ULK4: variants seen among roughly 807,000 people sequenced by gnomAD.
ULK4 encodes the protein unc-51 like kinase 4, also known as inactive serine/threonine-protein kinase ULK4.
ULK4 carries 133 observed loss-of-function variants against 160.6 expected under a neutral mutation model. The observed-to-expected ratio is 0.83, with a 90% confidence interval of 0.72 to 0.96. The LOEUF (loss-of-function observed/expected upper bound fraction) is 0.96. ULK4 is among the 40% of genes least tolerant of loss of function. ULK4 has a pLI of 0.00. For missense variants in ULK4, 1,580 were observed against 1,499.5 expected, an observed-to-expected ratio of 1.05 and a Z score of -0.89; for synonymous variants, 534 against 539.8, an observed-to-expected ratio of 0.99 and a Z score of 0.15.
intron 35 of ULK4, among the ~76,000 whole-genome samples, chr3:41,292,359 C>A (rs1184968738): frequency 6.6e-6 from 1 of 152,170 alleles, no homozygotes; most frequent in African/African-American, 2.4e-5. Flanking sequence ...ATCCCCTGGA[C>A]TTTTGTTCAA....
At chr3:41,908,269 T>C (rs910898567) in intron 11 of ULK4, among the ~76,000 whole-genome samples, 1 of 152,102 alleles carries the variant, frequency 6.6e-6, no homozygotes, top group Non-Finnish European at 1.5e-5. Flanking sequence ...ATGAAAAATA[T>C]TTGTAGCTAT....
intron 31 of ULK4, 111 bp downstream of exon 31, chr3:41,615,558 T>C: frequency 1.0e-6 from 1 of 1,002,934 alleles, no homozygotes; most frequent in Non-Finnish European, 1.5e-6. Flanking sequence ...ATGATGGACG[T>C]ACAATCCTTC....
intron 36 of ULK4, among the ~76,000 whole-genome samples, chr3:41,248,515 C>T (rs796760041): frequency 2.6e-5 from 4 of 152,348 alleles, no homozygotes; most frequent in African/African-American, 9.6e-5. Flanking sequence ...CCTCCCCTCT[C>T]ACCTATCCAG....
chr3:41,937,629 T>C (rs1399965190), intron 3 of ULK4, among the ~76,000 whole-genome samples: 1 of 152,196 alleles, frequency 6.6e-6, no homozygotes, highest in Non-Finnish European at 1.5e-5. Context: ...TCTCCCTGTA[T>C]ATGGTCCTAG....
At chr3:41,939,824 T>C (rs1180314407) in intron 2 of ULK4, among the ~76,000 whole-genome samples, 2 of 152,216 alleles carry the variant, frequency 1.3e-5, no homozygotes, top group Admixed American at 6.5e-5. Context: ...GCAGTGGCAT[T>C]AGATTCTCAC....
chr3:41,895,371 C>A (rs766044128), intron 16 of ULK4, 147 bp downstream of exon 16: 4 of 370,174 alleles, frequency 1.1e-5, no homozygotes, highest in Non-Finnish European at 2.0e-5. Context: ...CATTGGAATG[C>A]CCATAAAAAT....
At chr3:41,542,011 T>C (rs569805058) in intron 32 of ULK4, among the ~76,000 whole-genome samples, 1 of 152,272 alleles carries the variant, frequency 6.6e-6, no homozygotes, top group South Asian at 2.1e-4. Flanking sequence ...CCTTTATTTC[T>C]TTCTCTTGCC....
chr3:41,751,762 C>G (rs2038637998), intron 22 of ULK4, among the ~76,000 whole-genome samples: 1 of 152,138 alleles, frequency 6.6e-6, no homozygotes, highest in South Asian at 2.1e-4. Context: ...GAGTGGCTCT[C>G]AGAAGAAGTA....
intron 19 of ULK4, among the ~76,000 whole-genome samples, chr3:41,806,114 T>G (rs1233635740): frequency 6.8e-6 from 1 of 146,248 alleles, no homozygotes; most frequent in East Asian, 1.9e-4. Flanking sequence ...CATCTGGTCC[T>G]GGACTCTTTT....
At chr3:41,364,980 GAATTTCA>G in intron 35 of ULK4, among the ~76,000 whole-genome samples, 1 of 152,316 alleles carries the variant, frequency 6.6e-6, no homozygotes, top group Middle Eastern at 3.4e-3. Flanking sequence ...CTGAGATTCT[GAATTTCA>G]AATAGGCTCC....
intron 30 of ULK4, among the ~76,000 whole-genome samples, chr3:41,618,035 T>A (rs1298644534): frequency 6.6e-6 from 1 of 151,714 alleles, no homozygotes; most frequent in African/African-American, 2.4e-5. Flanking sequence ...AGATGGAAGA[T>A]CAATTTACTG....
At chr3:41,441,116 C>T (rs1004983612) in intron 34 of ULK4, among the ~76,000 whole-genome samples, 1 of 152,016 alleles carries the variant, frequency 6.6e-6, no homozygotes, top group African/African-American at 2.4e-5. Flanking sequence ...ATGTTCTCCA[C>T]TGTTTTCCTA....
chr3:41,892,396 A>G (rs1162328542), intron 16 of ULK4, among the ~76,000 whole-genome samples: 1 of 152,240 alleles, frequency 6.6e-6, no homozygotes, highest in East Asian at 1.9e-4. Flanking sequence ...AGAAAACACT[A>G]ATGTTCACAG....
At chr3:41,821,514 G>T (rs1183560354) in intron 18 of ULK4, among the ~76,000 whole-genome samples, 1 of 152,156 alleles carries the variant, frequency 6.6e-6, no homozygotes, top group Non-Finnish European at 1.5e-5. Flanking sequence ...CTGCCCAATG[G>T]TTATAACAGG....
intron 35 of ULK4, among the ~76,000 whole-genome samples, chr3:41,393,229 T>C (rs1466229473): frequency 5.3e-5 from 8 of 152,206 alleles, no homozygotes; most frequent in Admixed American, 3.3e-4. Context: ...TATTCTGTGA[T>C]AGCTACTATG....
rs1487951651 is a variant in ULK4, at chr3:41,774,294, A to T, written c.2193+15367T>A. 2.7e-5 allele frequency among the ~76,000 whole-genome samples: 4 copies of T among 150,652 alleles called. No homozygotes were observed. The South Asian group carries it at 8.3e-4, about 31-fold the overall frequency. ...ATCAGAGTGAACAGGCAACCTACAA[A>T]ATGGGAGAAAATTTTTGCAACCTAC... On this transcript the variant is annotated intron_variant, in intron 21 of 36. Coordinates refer to ENST00000301831, the MANE Select transcript of ULK4 (RefSeq NM_017886.4).
At chr3:41,817,131 TAC>T (rs1234133723) in intron 19 of ULK4, among the ~76,000 whole-genome samples, 1 of 152,118 alleles carries the variant, frequency 6.6e-6, no homozygotes, top group African/African-American at 2.4e-5. Context: ...AACAACACCC[TAC>T]ACAGTGGTCC....
intron 34 of ULK4, among the ~76,000 whole-genome samples, chr3:41,423,663 C>T (rs74647020): frequency 6.6e-6 from 1 of 151,870 alleles, no homozygotes; most frequent in Non-Finnish European, 1.5e-5. Context: ...GAATCCTGCA[C>T]CAAAAACTGA....
intron 35 of ULK4, among the ~76,000 whole-genome samples, chr3:41,348,844 C>T (rs376815305): frequency 6.6e-6 from 1 of 152,144 alleles, no homozygotes; most frequent in Admixed American, 6.6e-5. Flanking sequence ...GGCTGCACCT[C>T]GCCAGAGTGG....
Sources: gnomAD v4.1 joint callset for allele counts (sites outside exome capture counted in the v4.1 genomes callset) on GRCh38, gnomAD v4.1.1 for gene constraint, MANE v1.5 for transcripts, NCBI Gene and HGNC (gene_info 2026-07-23, HGNC 2026-07-21) for gene names.